MYNN: variants seen among roughly 807,000 people sequenced by gnomAD.
MYNN encodes myoneurin.
A neutral mutation model predicts 57.2 loss-of-function variants in MYNN; 22 were observed. The observed-to-expected ratio is 0.38, with a 90% CI of 0.27 to 0.55. The LOEUF is 0.55. Ranked by LOEUF, MYNN falls within the 20% of genes least tolerant of loss-of-function variation. The pLI, the probability that MYNN is intolerant of heterozygous loss-of-function variation, is 0.71. For synonymous variants in MYNN, 241 were observed against 257.1 expected (o/e 0.94, Z 0.60); for missense variants, 566 against 723.1 (o/e 0.78, Z 2.49).
rs528123194 is a variant in MYNN at position 169,780,311 on chromosome 3, G to A, written c.1061-279G>A. ...CTGAACTCGTGATCCGCCCGCCTCCGCCTTCCAAAGTGCTGGGATTATAGG... is the reference window on the plus strand; with the variant it reads ...CTGAACTCGTGATCCGCCCGCCTCCACCTTCCAAAGTGCTGGGATTATAGG... On this transcript the variant is annotated intron_variant, in intron 3 of 7. Coordinates refer to ENST00000349841, the MANE Select transcript of MYNN (RefSeq NM_018657.5). 3.7e-5 allele frequency: 8 copies of A among 216,214 alleles called. No homozygotes were observed. In the South Asian group the frequency reaches 5.5e-4, roughly 15 times the overall value. 13.4% of individuals were successfully genotyped at this position (216,214 alleles called of 1,614,324 possible).
intron 4 of MYNN, among the ~76,000 whole-genome samples, chr3:169,781,277 G>T (rs1451136739): frequency 2.6e-5 from 4 of 152,220 alleles, no homozygotes; most frequent in Non-Finnish European, 5.9e-5. Flanking sequence ...GAGAAGGTTT[G>T]TGGGTAGAAC....
At chr3:169,777,500 T>C (rs1349833174) in intron 2 of MYNN, 1 of 152,146 alleles carries the variant, frequency 6.6e-6, no homozygotes, top group Non-Finnish European at 1.5e-5. Context: ...TGTGTGTGTG[T>C]GTTTCCATCC....
rs1264400536 is a variant in MYNN, at chr3:169,782,894, T to C, written c.1399+251T>C. On this transcript the variant is annotated intron_variant, in intron 5 of 7. Transcript: ENST00000349841. The surrounding 1 kb of genome is among the most constrained non-coding windows in gnomAD (Gnocchi z 4.8). The stretch of plus-strand genomic sequence containing the variant: ...AATCAGTGAGATAATTTTGATATTA[T>C]ATAAACTTGCATTGAGATGCATTTT... 6.6e-6 allele frequency among the ~76,000 whole-genome samples: 1 copy of C among 152,176 alleles called. No individual in the cohort carries two copies. The highest frequency in any genetic ancestry group is 2.4e-5 in the African/African-American group (1 of 41,456).
intron 7 of MYNN, among the ~76,000 whole-genome samples, chr3:169,785,654 T>G (rs922719271): frequency 3.3e-5 from 5 of 151,790 alleles, no homozygotes; most frequent in African/African-American, 9.7e-5. Context: ...CTGTAGAGAG[T>G]CAGTGGGACA....
At chr3:169,784,912 T>TAAAAA (rs11456214) in intron 7 of MYNN, among the ~76,000 whole-genome samples, 1 of 134,672 alleles carries the variant, frequency 7.4e-6, no homozygotes, top group African/African-American at 2.7e-5. Context: ...ATCTCTTATT[T>TAAAAA]AAAAAAAAAA....
chr3:169,774,895 G>A (rs1778285050), intron 2 of MYNN, among the ~76,000 whole-genome samples: 1 of 152,276 alleles, frequency 6.6e-6, no homozygotes, highest in East Asian at 1.9e-4. Context: ...CTGGAGTGCA[G>A]TGGGGCAATC....
intron 6 of MYNN, among the ~76,000 whole-genome samples, chr3:169,784,359 T>C (rs1365333050): frequency 6.6e-6 from 1 of 151,970 alleles, no homozygotes; most frequent in African/African-American, 2.4e-5. Flanking sequence ...GAGTAGGCTT[T>C]TGTTTGTTTT....
intron 2 of MYNN, among the ~76,000 whole-genome samples, chr3:169,775,075 A>G (rs1293470402): frequency 2.0e-5 from 3 of 152,094 alleles, no homozygotes; most frequent in African/African-American, 7.2e-5. Flanking sequence ...ATTCTAAGTT[A>G]CTTCCAGTTT....
In MYNN at chr3:169,774,565, A is replaced by G. The variant is rs1404568322; in HGVS notation, c.266+4A>G. ...CAGGAACTTTAAATCTTGACAGGTAAAGTACACATTTTATTTTCAGTTATA... is the reference window on the plus strand; with the variant it reads ...CAGGAACTTTAAATCTTGACAGGTAGAGTACACATTTTATTTTCAGTTATA... On this transcript the variant is annotated splice_donor_region_variant and intron_variant, in intron 2 of 7. Transcript: ENST00000349841. The G allele has an allele frequency of 2.5e-6, 4 of 1,605,782 alleles. No homozygotes were observed. Among genetic ancestry groups the G allele is most frequent in the Non-Finnish European group, 3.4e-6 (4 of 1,173,706 alleles).
At chr3:169,775,941 G>C (rs548030117) in intron 2 of MYNN, among the ~76,000 whole-genome samples, 55 of 152,236 alleles carry the variant, frequency 3.6e-4, no homozygotes, top group African/African-American at 8.4e-4. Context: ...TATCCAGTGG[G>C]GGGAGGGGAG....
intron 1 of MYNN, 28 bp from the exon 2 acceptor site, chr3:169,774,237 T>A (rs1011410438): frequency 2.6e-5 from 40 of 1,553,800 alleles, no homozygotes; most frequent in Non-Finnish European, 3.4e-5. Flanking sequence ...TTACGGTTAC[T>A]GATTTACTGT....
chr3:169,774,077 G>A, intron 1 of MYNN, 188 bp from the exon 2 acceptor site: 4 of 562,540 alleles, frequency 7.1e-6, no homozygotes, highest in Non-Finnish European at 1.3e-5. Context: ...TGTGTCCAAA[G>A]GATTGTGTTA....
chr3:169,784,765 G>C (rs1054308965), intron 7 of MYNN, 57 bp downstream of exon 7: 5 of 1,093,168 alleles, frequency 4.6e-6, no homozygotes, highest in Non-Finnish European at 4.0e-6. Flanking sequence ...GCTCATATTA[G>C]TGCTATTCCT....
chr3:169,783,257 C>T lies in MYNN; in HGVS notation c.1400-220C>T, dbSNP rs1389198370. ...CCCAAATCATCTCTATTAGAAGGGA[C>T]ATTTTGAGGAATAAAGTTTTAATAT... On this transcript the variant is annotated intron_variant, in intron 5 of 7. Transcript: ENST00000349841. Among the ~76,000 whole-genome samples, 3 of 152,014 alleles carry T rather than the reference C, an allele frequency of 2.0e-5. No homozygotes were observed. In the East Asian group the frequency reaches 5.8e-4, roughly 29 times the overall value.
Position 169,782,429 on chromosome 3 carries a change from A to C in MYNN, c.1221-36A>C. Reference sequence around the variant, plus strand: ...ATTCTTGCTATATAGACTGACCTCCAAATTGTTTTACTTATTTAACTTTAT... The same window carrying C: ...ATTCTTGCTATATAGACTGACCTCCCAATTGTTTTACTTATTTAACTTTAT... On this transcript the variant is annotated intron_variant, in intron 4 of 7. Transcript: ENST00000349841. The surrounding 1 kb of genome is among the most constrained non-coding windows in gnomAD (Gnocchi z 4.8). The C allele has an allele frequency of 6.4e-7, 1 of 1,565,434 alleles. No homozygotes were observed. The highest frequency in any genetic ancestry group is 8.7e-7 in the Non-Finnish European group (1 of 1,151,914).
In MYNN at chr3:169,779,314, A is replaced by G; in HGVS notation, c.813A>G (p.Glu271=). The G allele has an allele frequency of 6.2e-7, 1 of 1,614,206 alleles. No individual in the cohort carries two copies. Among genetic ancestry groups the G allele is most frequent in the South Asian group, 1.1e-5 (1 of 91,080 alleles). The change falls in exon 3 of 8, where the codon GAA becomes GAG. Residue 271 remains glutamate (E), a synonymous_variant. Coordinates refer to ENST00000349841, the MANE Select transcript of MYNN (RefSeq NM_018657.5). ...CACAGCCAAACTGTGCTCTGAAAGA[A>G]CACTCTATGTCTAATATAGCCAGCG... ...GKSQPNCALK[E]HSMSNIASVK... is the part of the protein sequence containing the mutation.
chr3:169,774,821 T>C (rs1056807224), intron 2 of MYNN, among the ~76,000 whole-genome samples: 4 of 152,196 alleles, frequency 2.6e-5, no homozygotes, highest in Non-Finnish European at 5.9e-5. Context: ...TTATGTAAAC[T>C]TGAACATTAA....
chr3:169,783,026 T>G (rs1284422667), intron 5 of MYNN, among the ~76,000 whole-genome samples: 1 of 152,114 alleles, frequency 6.6e-6, no homozygotes, highest in African/African-American at 2.4e-5. Flanking sequence ...TTAGGACCTT[T>G]CCTACACAGA....
intron 3 of MYNN, 45 bp downstream of exon 3, chr3:169,779,606 A>C: frequency 1.3e-6 from 2 of 1,553,992 alleles, no homozygotes; most frequent in Non-Finnish European, 1.7e-6. Context: ...ACTGTGACTA[A>C]TATAGTGTAT....
Sources: allele counts gnomAD v4.1 joint callset (sites outside exome capture counted in the v4.1 genomes callset), GRCh38; gene constraint gnomAD v4.1.1; non-coding constraint Gnocchi (gnomAD v3.1); transcripts MANE v1.5; gene names NCBI Gene and HGNC (gene_info 2026-07-23, HGNC 2026-07-21).